The following ASB13 variants were observed in gnomAD, a reference collection of about 807,000 sequenced individuals.
ASB13 encodes ankyrin repeat and SOCS box containing 13, also known as ankyrin repeat and SOCS box protein 13.
Under a neutral mutation model 28.8 loss-of-function variants are expected in ASB13, and 33 were observed. The ratio of observed to expected loss-of-function variants is 1.15; its 90% CI spans 0.87 to 1.53. The LOEUF is 1.53. Ranked by LOEUF, ASB13 falls within the 40% of genes most tolerant of loss-of-function variation. The pLI is 0.00. For missense variants in ASB13, 414 were observed against 390.1 expected, an observed-to-expected ratio of 1.06 and a Z score of -0.52; for synonymous variants, 182 against 172.9, an observed-to-expected ratio of 1.05 and a Z score of -0.41.
chr10:5,649,124 G>C lies in ASB13; in HGVS notation c.383-20C>G, dbSNP rs188480913. On this transcript the variant is annotated intron_variant, in intron 3 of 5. Transcript: ENST00000357700. This position sits in a 1 kb window ranked among gnomAD's most constrained non-coding sequence, Gnocchi z 6.4. The stretch of plus-strand genomic sequence containing the variant: ...AACTCCCTTAAGATAAATGGAAAAG[G>C]GGGGGAATGTCCTTGAATACGGACA... 11,335 of 1,613,842 alleles carry C rather than the reference G, an allele frequency of 7.0e-3. 56 individuals carry two copies. The highest frequency in any genetic ancestry group is 8.9e-3 in the Non-Finnish European group (10,453 of 1,179,948).
intron 5 of ASB13, 147 bp from the exon 6 acceptor site, chr10:5,640,977 G>T: frequency 1.9e-6 from 2 of 1,077,388 alleles, no homozygotes; most frequent in Non-Finnish European, 2.6e-6. Flanking sequence ...TGGAAGGACA[G>T]CCAGGAACCC....
chr10:5,656,932 C>T lies in ASB13; in HGVS notation c.44-3882G>A, dbSNP rs2131454344. On this transcript the variant is annotated intron_variant, in intron 1 of 5. Coordinates refer to ENST00000357700, the MANE Select transcript of ASB13 (RefSeq NM_024701.4). The surrounding 1 kb of genome is among the most constrained non-coding windows in gnomAD (Gnocchi z 4.3). ...AGACGGCACTTTAGACACTTATCTA[C>T]CATCTTCCTGGTTTGCTGGCTCTCC... 6.6e-6 allele frequency among the ~76,000 whole-genome samples: 1 copy of T among 152,318 alleles called. No individual in the cohort carries two copies. The highest frequency in any genetic ancestry group is 2.4e-5 in the African/African-American group (1 of 41,566).
chr10:5,643,904 A>G (rs1041646991), intron 4 of ASB13, among the ~76,000 whole-genome samples: 5 of 152,156 alleles, frequency 3.3e-5, no homozygotes, highest in Non-Finnish European at 5.9e-5. Context: ...CATGGCTGGA[A>G]AGAGCTCTAA....
chr10:5,653,126 G>T (rs1835016819), intron 1 of ASB13, 76 bp from the exon 2 acceptor site: 5 of 1,369,048 alleles, frequency 3.7e-6, no homozygotes, highest in Non-Finnish European at 4.9e-6. Flanking sequence ...AAGACTCCAG[G>T]GTCCCTGATG....
In ASB13 at chr10:5,656,277, A is replaced by C. The variant is rs1446957064; in HGVS notation, c.44-3227T>G. Among the ~76,000 whole-genome samples, 1 of 152,218 alleles carries C rather than the reference A, an allele frequency of 6.6e-6. No homozygotes were observed. Among genetic ancestry groups the C allele is most frequent in the East Asian group, 1.9e-4 (1 of 5,194 alleles). On this transcript the variant is annotated intron_variant, in intron 1 of 5. Transcript: ENST00000357700. This position sits in a 1 kb window ranked among gnomAD's most constrained non-coding sequence, Gnocchi z 4.3. The stretch of plus-strand genomic sequence containing the variant: ...AAGTCTGACTGGTCAAGGTGGTTCA[A>C]GCCTGTAATCCCAGCACTTTGGGAG...
In ASB13 at chr10:5,663,713, T is replaced by C. The variant is rs79923566; in HGVS notation, c.43+2796A>G. 2.2e-3 allele frequency among the ~76,000 whole-genome samples: 338 copies of C among 152,346 alleles called. No individual in the cohort carries two copies. The highest frequency in any genetic ancestry group is 6.8e-3 in the Admixed American group (104 of 15,302). ...CCCATAAACATGCTTCCTAAGCCTTTGTAACTTGCTAATTTCCTCTGATAC... is the reference window on the plus strand; with the variant it reads ...CCCATAAACATGCTTCCTAAGCCTTCGTAACTTGCTAATTTCCTCTGATAC... On this transcript the variant is annotated intron_variant, in intron 1 of 5. Transcript: ENST00000357700. The surrounding 1 kb of genome is among the most constrained non-coding windows in gnomAD (Gnocchi z 4.9).
chr10:5,666,248 A>AC (rs768626614), intron 1 of ASB13, among the ~76,000 whole-genome samples: 350 of 150,620 alleles, frequency 2.3e-3, no homozygotes, highest in Non-Finnish European at 4.5e-3. Flanking sequence ...CGGTTGCGAA[A>AC]CCCCACACCT....
At chr10:5,654,922 C>A (rs113453314) in intron 1 of ASB13, among the ~76,000 whole-genome samples, 1 of 151,886 alleles carries the variant, frequency 6.6e-6, no homozygotes, top group Admixed American at 6.6e-5. Flanking sequence ...CATGGTGAAA[C>A]CCCCGTCTCT....
In ASB13 at chr10:5,642,755, TC is replaced by T. The variant is rs1264110756; in HGVS notation, c.518-795del. 2.6e-5 allele frequency among the ~76,000 whole-genome samples: 4 copies of T among 151,814 alleles called. No individual in the cohort carries two copies. The highest frequency in any genetic ancestry group is 9.7e-5 in the African/African-American group (4 of 41,330). ...TCCGCCTCCAGGGTTCAAGCGATTC[TC>T]CTGCCTCAGCCTCCCGAGTTGCTGG... On this transcript the variant is annotated intron_variant, in intron 4 of 5. Coordinates refer to ENST00000357700, the MANE Select transcript of ASB13 (RefSeq NM_024701.4). The surrounding 1 kb of genome is among the most constrained non-coding windows in gnomAD (Gnocchi z 4.1).
Position 5,649,259 on chromosome 10 carries a change from C to G in ASB13, c.383-155G>C, listed in dbSNP as rs1428454161. 2.0e-5 allele frequency among the ~76,000 whole-genome samples: 3 copies of G among 152,142 alleles called. No individual in the cohort carries two copies. The highest frequency in any genetic ancestry group is 6.5e-5 in the Admixed American group (1 of 15,284). ...CCAACCTAGGGAGGAGTTCATGACCCGCATGGCCCTCAGGAAGCCAGGACA... is the reference window on the plus strand; with the variant it reads ...CCAACCTAGGGAGGAGTTCATGACCGGCATGGCCCTCAGGAAGCCAGGACA... On this transcript the variant is annotated intron_variant, in intron 3 of 5. Transcript: ENST00000357700. This position sits in a 1 kb window ranked among gnomAD's most constrained non-coding sequence, Gnocchi z 6.4.
rs1030300934 is a variant in ASB13, at chr10:5,642,501, A to G, written c.518-540T>C. The G allele has an allele frequency of 8.2e-6, 10 of 1,222,340 alleles. No individual in the cohort carries two copies. In the African/African-American group the frequency reaches 1.6e-4, roughly 20 times the overall value. The allele number at this position is 1,222,340 out of a possible 1,614,324, so 75.7% of individuals were successfully genotyped here. ...AAACAGTAGGCAATTCAGAGAAGAG[A>G]GTAAGCTCTGCACTCCTCAACTTTC... On this transcript the variant is annotated intron_variant, in intron 4 of 5. Coordinates refer to ENST00000357700, the MANE Select transcript of ASB13 (RefSeq NM_024701.4). This position sits in a 1 kb window ranked among gnomAD's most constrained non-coding sequence, Gnocchi z 4.1.
In ASB13 at chr10:5,640,475, A is replaced by G. The variant is rs1233478565; in HGVS notation, c.*228T>C. The G allele has an allele frequency of 1.9e-6, 1 of 523,652 alleles. No homozygotes were observed. The highest frequency in any genetic ancestry group is 3.4e-6 in the Non-Finnish European group (1 of 296,676). 32.4% of individuals were successfully genotyped at this position (523,652 alleles called of 1,614,324 possible). On this transcript the variant is annotated 3_prime_UTR_variant, in exon 6 of 6. Coordinates refer to ENST00000357700, the MANE Select transcript of ASB13 (RefSeq NM_024701.4). ...ATTGAGAGGGTAGGTTCTGTAGAAC[A>G]GCGCAGGGCCACACCCACAACTGTG... is the stretch of plus-strand genomic sequence containing the variant.
rs1834824513 is a variant in ASB13 at position 5,642,507 on chromosome 10, C to T, written c.518-546G>A. 1 of 1,240,896 alleles carries T rather than the reference C, an allele frequency of 8.1e-7. No homozygotes were observed. 76.9% of individuals were successfully genotyped at this position (1,240,896 alleles called of 1,614,324 possible). A position where few individuals can be genotyped will look rare whatever the true frequency, so the allele number is the denominator to read the frequency against. ...TAGGCAATTCAGAGAAGAGAGTAAG[C>T]TCTGCACTCCTCAACTTTCTCACGA... On this transcript the variant is annotated intron_variant, in intron 4 of 5. Transcript: ENST00000357700. The surrounding 1 kb of genome is among the most constrained non-coding windows in gnomAD (Gnocchi z 4.1).
chr10:5,665,264 G>A (rs1394486124), intron 1 of ASB13, among the ~76,000 whole-genome samples: 1 of 152,168 alleles, frequency 6.6e-6, no homozygotes, highest in Admixed American at 6.5e-5. Context: ...CTGCTGGAAT[G>A]GCAGTATTGT....
In ASB13 at chr10:5,652,060, AC is replaced by A; in HGVS notation, c.232-698del. 6.8e-6 allele frequency among the ~76,000 whole-genome samples: 1 copy of A among 148,056 alleles called. No individual in the cohort carries two copies. Among genetic ancestry groups the A allele is most frequent in the Non-Finnish European group, 1.5e-5 (1 of 66,384 alleles). On this transcript the variant is annotated intron_variant, in intron 2 of 5. Coordinates refer to ENST00000357700, the MANE Select transcript of ASB13 (RefSeq NM_024701.4). This position sits in a 1 kb window ranked among gnomAD's most constrained non-coding sequence, Gnocchi z 5.0. ...CACACACACACACACACACACACAC[AC>A]AAAACTCTAACCTCAATGGAAGGAA...
Position 5,642,474 on chromosome 10 carries a change from C to A in ASB13, c.518-513G>T. On this transcript the variant is annotated intron_variant, in intron 4 of 5. Coordinates refer to ENST00000357700, the MANE Select transcript of ASB13 (RefSeq NM_024701.4). The surrounding 1 kb of genome is among the most constrained non-coding windows in gnomAD (Gnocchi z 4.1). ...ACAAAAGGAAAACAGATAACGTACC[C>A]AAAACAGTAGGCAATTCAGAGAAGA... 1 of 1,191,124 alleles carries A rather than the reference C, an allele frequency of 8.4e-7. No individual in the cohort carries two copies. Among genetic ancestry groups the A allele is most frequent in the South Asian group, 1.6e-5 (1 of 63,738 alleles). The allele number at this position is 1,191,124 out of a possible 1,614,324, so 73.8% of individuals were successfully genotyped here. A position where few individuals can be genotyped will look rare whatever the true frequency, so the allele number is the denominator to read the frequency against.
chr10:5,643,491 G>T (rs879502499), intron 4 of ASB13, among the ~76,000 whole-genome samples: 1 of 152,166 alleles, frequency 6.6e-6, no homozygotes, highest in Non-Finnish European at 1.5e-5. Context: ...AAACTCAGAA[G>T]TCAGAACAGG....
chr10:5,653,723 C>T (rs1281669890), intron 1 of ASB13, among the ~76,000 whole-genome samples: 1 of 151,884 alleles, frequency 6.6e-6, no homozygotes, highest in Non-Finnish European at 1.5e-5. Flanking sequence ...GCTCTGTCAC[C>T]CAGGCTGGAG....
Position 5,649,674 on chromosome 10 carries a change from C to G in ASB13, c.383-570G>C, listed in dbSNP as rs916074112. Among the ~76,000 whole-genome samples, 1 of 151,956 alleles carries G rather than the reference C, an allele frequency of 6.6e-6. No individual in the cohort carries two copies. Among genetic ancestry groups the G allele is most frequent in the Non-Finnish European group, 1.5e-5 (1 of 67,978 alleles). On this transcript the variant is annotated intron_variant, in intron 3 of 5. Coordinates refer to ENST00000357700, the MANE Select transcript of ASB13 (RefSeq NM_024701.4). This position sits in a 1 kb window ranked among gnomAD's most constrained non-coding sequence, Gnocchi z 6.4. ...CCAAATAGCTGGAATTACAGGCATG[C>G]ACCACCGTGCCCGACTAATTTTTTT...
Sources: allele counts gnomAD v4.1 joint callset (sites outside exome capture counted in the v4.1 genomes callset), GRCh38; gene constraint gnomAD v4.1.1; non-coding constraint Gnocchi (gnomAD v3.1); transcripts MANE v1.5; gene names NCBI Gene and HGNC (gene_info 2026-07-23, HGNC 2026-07-21).